ADAMTS9: variants seen among roughly 807,000 people sequenced by gnomAD.
ADAMTS9 encodes the protein ADAM metallopeptidase with thrombospondin type 1 motif 9.
ADAMTS9 carries 107 observed loss-of-function variants against 257.1 expected under a neutral mutation model. The ratio of observed to expected loss-of-function variants is 0.42; its 90% CI spans 0.36 to 0.49. The LOEUF is 0.49. Ranked by LOEUF, ADAMTS9 falls within the 20% of genes least tolerant of loss-of-function variation. The pLI, the probability that ADAMTS9 is intolerant of heterozygous loss-of-function variation, is 0.03. For synonymous variants in ADAMTS9, 982 were observed against 880.9 expected, an observed-to-expected ratio of 1.11 and a Z score of -2.03; for missense variants, 2,353 against 2,469.1, an observed-to-expected ratio of 0.95 and a Z score of 1.00.
At chr3:64,594,709 C>G (rs2084330041) in intron 27 of ADAMTS9, among the ~76,000 whole-genome samples, 1 of 152,094 alleles carries the variant, frequency 6.6e-6, no homozygotes, top group Non-Finnish European at 1.5e-5. Context: ...ATTATTTGCC[C>G]CATCTTATAT....
chr3:64,666,704 C>G (rs940795027), intron 3 of ADAMTS9, among the ~76,000 whole-genome samples: 1 of 152,166 alleles, frequency 6.6e-6, no homozygotes, highest in Non-Finnish European at 1.5e-5. Context: ...ATAAAATGCC[C>G]TTAAAGCAGG....
In ADAMTS9 at chr3:64,541,601, G is replaced by A. The variant is rs771965779; in HGVS notation, c.5217C>T (p.Cys1739=). Residue 1739 remains cysteine (C), a synonymous_variant, in exon 34 of 40, where the codon TGC becomes TGT. Coordinates refer to ENST00000498707, the MANE Select transcript of ADAMTS9 (RefSeq NM_182920.2). ...CACCTTTAAGTCTTTTTACCTCCTTGCAATTCTGGGGTAACTCACCTAGAA... is the reference window on the plus strand; with the variant it reads ...CACCTTTAAGTCTTTTTACCTCCTTACAATTCTGGGGTAACTCACCTAGAA... ...NVYNCELPQN[C]KEVKRLKGAS... 3 of 1,613,850 alleles carry A rather than the reference G, an allele frequency of 1.9e-6. No individual in the cohort carries two copies. The highest frequency in any genetic ancestry group is 1.7e-5 in the Admixed American group (1 of 60,002).
intron 18 of ADAMTS9, among the ~76,000 whole-genome samples, chr3:64,621,778 AAAAAAATAAAAAAAT>A (rs1480698295): frequency 7.5e-6 from 1 of 133,232 alleles, no homozygotes; most frequent in Non-Finnish European, 1.5e-5. Context: ...ATAAAAAAAT[AAAAAAATAAAAAAAT>A]AAAAAGAAAA....
At chr3:64,584,874 T>C (rs1305835870) in intron 28 of ADAMTS9, among the ~76,000 whole-genome samples, 2 of 152,174 alleles carry the variant, frequency 1.3e-5, no homozygotes, top group African/African-American at 4.8e-5. Flanking sequence ...GGACACTCTT[T>C]TATGTAAATA....
At chr3:64,643,899 T>G (rs1320319335) in intron 11 of ADAMTS9, among the ~76,000 whole-genome samples, 1 of 152,148 alleles carries the variant, frequency 6.6e-6, no homozygotes, top group Non-Finnish European at 1.5e-5. Context: ...GCCACCATAT[T>G]GGACACAGCA....
chr3:64,516,277 ATGAAGC>A lies in ADAMTS9; in HGVS notation c.*844_*849del, dbSNP rs1481881477. 1 of 152,628 alleles carries A rather than the reference ATGAAGC, an allele frequency of 6.6e-6. No individual in the cohort carries two copies. Among genetic ancestry groups the A allele is most frequent in the African/African-American group, 2.4e-5 (1 of 41,452 alleles). The allele number at this position is 152,628 out of a possible 1,614,324, so 9.5% of individuals were successfully genotyped here. A position where few individuals can be genotyped will look rare whatever the true frequency, so the allele number is the denominator to read the frequency against. ...CTCACTTTCCCAATATCACTCTGTA[ATGAAGC>A]TGCTTGGGGGATCCTCCATTTGATT... On this transcript the variant is annotated 3_prime_UTR_variant, in exon 40 of 40. Transcript: ENST00000498707.
intron 3 of ADAMTS9, among the ~76,000 whole-genome samples, chr3:64,673,223 A>G (rs1371537086): frequency 1.3e-5 from 2 of 152,204 alleles, no homozygotes; most frequent in Non-Finnish European, 1.5e-5. Flanking sequence ...TAGGAACATC[A>G]CAATGACAGC....
chr3:64,595,793 CT>C (rs1385244811), intron 27 of ADAMTS9, among the ~76,000 whole-genome samples: 5 of 131,660 alleles, frequency 3.8e-5, no homozygotes, highest in Admixed American at 7.7e-5. Flanking sequence ...TCTCATTTGT[CT>C]TTTTCCCCCC....
In ADAMTS9 at chr3:64,621,182, A is replaced by G; in HGVS notation, c.2745T>C (p.Asp915=). Residue 915 remains aspartate, a synonymous_variant, in exon 19 of 40, where the codon GAT becomes GAC. Transcript: ENST00000498707. ...GCTGGGGCAGCCGATCGCATCTTTG[A>G]TCAGAAACAGTAAGCTGATCAGATT... ...TRESDQLTVS[D]QRCDRLPQPG... 5 of 1,613,906 alleles carry G rather than the reference A, an allele frequency of 3.1e-6. No individual in the cohort carries two copies. Among genetic ancestry groups the G allele is most frequent in the South Asian group, 2.2e-5 (2 of 91,080 alleles).
chr3:64,613,365 G>A lies in ADAMTS9; in HGVS notation c.3334C>T (p.Gln1112Ter). ...AATACCTGTCCCCAGGGACCCGCCT[G>A]CCAGGATGCACATTCCGGCTGCTGA... ...TCQQPECASWQAGPWGQCSVT... is the reference protein window; with the variant it reads ...TCQQPECASW Residue 1112 changes from glutamine to a stop codon, truncating the protein, a stop_gained, in exon 22 of 40, where the codon CAG (glutamine) becomes TAG (stop). Transcript: ENST00000498707. LOFTEE classifies it high-confidence loss of function. The A allele has an allele frequency of 6.2e-7, 1 of 1,613,796 alleles. No individual in the cohort carries two copies. Among genetic ancestry groups the A allele is most frequent in the Non-Finnish European group, 8.5e-7 (1 of 1,179,818 alleles).
intron 29 of ADAMTS9, among the ~76,000 whole-genome samples, chr3:64,565,988 T>A (rs1327703312): frequency 6.6e-6 from 1 of 152,248 alleles, no homozygotes; most frequent in Non-Finnish European, 1.5e-5. Flanking sequence ...CTATTGTAGT[T>A]TCTATCCGAA....
intron 32 of ADAMTS9, among the ~76,000 whole-genome samples, chr3:64,542,372 C>T (rs2106913375): frequency 6.6e-6 from 1 of 151,846 alleles, no homozygotes; most frequent in Admixed American, 6.6e-5. Flanking sequence ...GGATTCAAAC[C>T]CTAACTGCTT....
At chr3:64,597,321 T>C (rs577624043) in intron 26 of ADAMTS9, among the ~76,000 whole-genome samples, 1 of 152,230 alleles carries the variant, frequency 6.6e-6, no homozygotes, top group South Asian at 2.1e-4. Flanking sequence ...GGTACAGAGG[T>C]GTTGATGGAC....
At position 64,652,961 on chromosome 3, in the gene ADAMTS9, C is replaced by G. The variant is rs751772001; in HGVS notation, c.1316+1392G>C. Reference sequence around the variant, plus strand: ...TTAAAAATATCATATAAAATTACCTCTAGGCTATGTGCATAAGGTATACAT... The same window carrying G: ...TTAAAAATATCATATAAAATTACCTGTAGGCTATGTGCATAAGGTATACAT... On this transcript the variant is annotated intron_variant, in intron 8 of 39. Coordinates refer to ENST00000498707, the MANE Select transcript of ADAMTS9 (RefSeq NM_182920.2). 5.9e-5 allele frequency among the ~76,000 whole-genome samples: 9 copies of G among 152,298 alleles called. No individual in the cohort carries two copies. In the South Asian group the frequency reaches 1.0e-3, roughly 18 times the overall value.
chr3:64,685,777 G>T (rs954922345), intron 2 of ADAMTS9, among the ~76,000 whole-genome samples: 3 of 152,128 alleles, frequency 2.0e-5, no homozygotes, highest in African/African-American at 7.2e-5. Context: ...TGGAACCCGT[G>T]AGTAGTAGAA....
intron 24 of ADAMTS9, 68 bp from the exon 25 acceptor site, chr3:64,604,157 T>C: frequency 6.3e-7 from 1 of 1,599,926 alleles, no homozygotes; most frequent in Non-Finnish European, 8.5e-7. Context: ...AGTAGCCCAC[T>C]TTCTATAGCC....
intron 32 of ADAMTS9, among the ~76,000 whole-genome samples, chr3:64,543,045 A>G (rs1363358125): frequency 6.6e-6 from 1 of 152,090 alleles, no homozygotes. Context: ...GGACACATAC[A>G]CCCTCCCAAG....
At chr3:64,588,195 T>C (rs760939708) in intron 28 of ADAMTS9, 2 of 152,190 alleles carry the variant, frequency 1.3e-5, no homozygotes, top group Non-Finnish European at 2.9e-5. Flanking sequence ...TGAAGGTACC[T>C]ACCCTAATAG....
chr3:64,654,782 G>A, intron 6 of ADAMTS9, 170 bp from the exon 7 acceptor site: 1 of 645,912 alleles, frequency 1.5e-6, no homozygotes, highest in Non-Finnish European at 2.7e-6. Flanking sequence ...TTTTGGAATT[G>A]TTGATTTAAG....
Sources: gnomAD v4.1 joint callset for allele counts (sites outside exome capture counted in the v4.1 genomes callset) on GRCh38, gnomAD v4.1.1 for gene constraint, MANE v1.5 for transcripts, NCBI Gene and HGNC (gene_info 2026-07-23, HGNC 2026-07-21) for gene names.